UBR1: variants seen among roughly 807,000 people sequenced by gnomAD.
UBR1 encodes ubiquitin protein ligase E3 component n-recognin 1.
A neutral mutation model predicts 242.1 loss-of-function variants in UBR1; 102 were observed. That is an observed-to-expected ratio of 0.42 (90% CI 0.36 to 0.50). UBR1 has a LOEUF of 0.50. Ranked by LOEUF, UBR1 falls within the 20% of genes least tolerant of loss-of-function variation. UBR1 has a pLI of 0.01. For missense variants in UBR1, 1,772 were observed against 2,101.8 expected (o/e 0.84, Z 3.07); for synonymous variants, 675 against 684.8 (o/e 0.99, Z 0.22).
chr15:42,957,407 C>T (rs1024294461), intron 44 of UBR1, among the ~76,000 whole-genome samples: 4 of 151,954 alleles, frequency 2.6e-5, no homozygotes, highest in Admixed American at 6.6e-5. Context: ...TACAAGGTGA[C>T]GAAAAAGTTT....
chr15:42,954,518 C>G (rs2031886176), intron 44 of UBR1, among the ~76,000 whole-genome samples: 3 of 152,048 alleles, frequency 2.0e-5, no homozygotes, highest in Non-Finnish European at 2.9e-5. Flanking sequence ...TGAGTCATTC[C>G]GCAGGGCAGT....
intron 10 of UBR1, among the ~76,000 whole-genome samples, chr15:43,057,667 C>T (rs147966532): frequency 6.6e-5 from 10 of 152,148 alleles, no homozygotes; most frequent in East Asian, 1.9e-4. Flanking sequence ...TCCTGCCCCC[C>T]ACTTTAGCAT....
chr15:43,092,498 C>T (rs2034116015), intron 1 of UBR1, among the ~76,000 whole-genome samples: 2 of 152,180 alleles, frequency 1.3e-5, no homozygotes, highest in South Asian at 4.1e-4. Context: ...CTACACATTT[C>T]TTGCCAGAGA....
At chr15:42,961,423 CTTTTTTTT>C (rs766721149) in intron 42 of UBR1, among the ~76,000 whole-genome samples, 1 of 131,896 alleles carries the variant, frequency 7.6e-6, no homozygotes, top group Admixed American at 7.8e-5. Flanking sequence ...CTATGTTCCT[CTTTTTTTT>C]TTTTTTTTTT....
chr15:43,053,326 A>G (rs917206021), intron 12 of UBR1, among the ~76,000 whole-genome samples: 2 of 152,236 alleles, frequency 1.3e-5, no homozygotes, highest in Non-Finnish European at 2.9e-5. Flanking sequence ...ACAAGTGATT[A>G]TGCACCACTT....
intron 29 of UBR1, among the ~76,000 whole-genome samples, chr15:43,009,573 G>T (rs7176915): frequency 0.55 from 83,606 of 152,092 alleles, 27,112 homozygotes; most frequent in Non-Finnish European, 0.7. Flanking sequence ...ACTGGCCACA[G>T]AGGTTTCTGG....
In UBR1 at chr15:42,988,882, C is replaced by G. The variant is rs1269197116; in HGVS notation, c.3934G>C (p.Glu1312Gln). 1.2e-6 allele frequency: 2 copies of G among 1,614,082 alleles called. No individual in the cohort carries two copies. The highest frequency in any genetic ancestry group is 4.5e-5 in the East Asian group (2 of 44,896). The stretch of plus-strand genomic sequence containing the variant: ...AGCATGGGGACTCGAGGATCCCTTT[C>G]ATCAGGTGGCACTTTCAATCCAATT... ...YRIGLKVPPD[E>Q]RDPRVPMLTW... Residue 1312 changes from glutamate (E) to glutamine (Q), a missense_variant, in exon 35 of 47, where the codon GAA (glutamate) becomes CAA (glutamine). By Grantham distance (29) the Glu-to-Gln change is conservative. Around this residue, in one of 3 missense-constraint regions of UBR1, gnomAD observed 965 missense variants for 1,079.7 expected, o/e 0.89. Coordinates refer to ENST00000290650, the MANE Select transcript of UBR1 (RefSeq NM_174916.3).
intron 16 of UBR1, 72 bp downstream of exon 16, chr15:43,038,099 C>T (rs2033361005): frequency 8.5e-6 from 13 of 1,533,254 alleles, no homozygotes; most frequent in Non-Finnish European, 1.2e-5. Flanking sequence ...ATATTATCTC[C>T]TTCTCGTCCA....
chr15:42,991,286 A>G (rs976773165), intron 33 of UBR1, among the ~76,000 whole-genome samples: 11 of 151,906 alleles, frequency 7.2e-5, no homozygotes, highest in African/African-American at 2.7e-4. Context: ...AAAAAAAAAA[A>G]AGATGAGGTC....
At position 43,031,748 on chromosome 15, in the gene UBR1, C is replaced by T. The variant is rs188288048; in HGVS notation, c.2254+820G>A. ...AGTCAAAAACAAGATGACAGCCGGGCGCGGTGGCTCACGCCTGTAATCCCA... is the reference window on the plus strand; with the variant it reads ...AGTCAAAAACAAGATGACAGCCGGGTGCGGTGGCTCACGCCTGTAATCCCA... On this transcript the variant is annotated intron_variant, in intron 20 of 46. Coordinates refer to ENST00000290650, the MANE Select transcript of UBR1 (RefSeq NM_174916.3). Among the ~76,000 whole-genome samples the T allele has an allele frequency of 3.0e-4, 46 of 152,288 alleles. No individual in the cohort carries two copies. In the South Asian group the frequency reaches 5.6e-3, roughly 19 times the overall value.
chr15:42,965,091 A>G (rs1460939025), intron 41 of UBR1, among the ~76,000 whole-genome samples: 1 of 152,208 alleles, frequency 6.6e-6, no homozygotes, highest in Non-Finnish European at 1.5e-5. Context: ...ATGTGAGCAA[A>G]CAACAGATCT....
chr15:43,066,251 ATGT>A (rs1460382345), intron 6 of UBR1, among the ~76,000 whole-genome samples: 1 of 151,928 alleles, frequency 6.6e-6, no homozygotes, highest in Non-Finnish European at 1.5e-5. Context: ...TGTTTTTGTC[ATGT>A]TTGTCAATAA....
Position 43,007,065 on chromosome 15 carries a change from T to C in UBR1, c.3415+14A>G. The C allele has an allele frequency of 6.2e-7, 1 of 1,613,080 alleles. No individual in the cohort carries two copies. The highest frequency in any genetic ancestry group is 8.5e-7 in the Non-Finnish European group (1 of 1,179,074). ...AAGAAATGCACAAAAGGATATTTAT[T>C]AAATAATACATACCTCCTGAGAGTT... On this transcript the variant is annotated intron_variant, in intron 30 of 46. Transcript: ENST00000290650.
At chr15:43,037,743 C>T (rs1596112949) in intron 17 of UBR1, 30 bp downstream of exon 17, 1 of 1,594,754 alleles carries the variant, frequency 6.3e-7, no homozygotes, top group Non-Finnish European at 8.6e-7. Flanking sequence ...TGAGCACATT[C>T]ATAAATATGA....
chr15:43,088,165 C>T (rs1241405349), intron 1 of UBR1, among the ~76,000 whole-genome samples: 2 of 152,166 alleles, frequency 1.3e-5, no homozygotes, highest in Middle Eastern at 3.2e-3. Flanking sequence ...ATTTCATGTA[C>T]AGTTATTCAT....
At chr15:43,059,596 AAAAAAAAAG>A in intron 8 of UBR1, 97 bp downstream of exon 8, 2 of 1,390,962 alleles carry the variant, frequency 1.4e-6, no homozygotes, top group Non-Finnish European at 1.9e-6. Context: ...ACCAAAAAAA[AAAAAAAAAG>A]AAAAACTTTA....
At chr15:43,008,915 G>A (rs181182892) in intron 29 of UBR1, among the ~76,000 whole-genome samples, 6 of 152,272 alleles carry the variant, frequency 3.9e-5, no homozygotes, top group Non-Finnish European at 8.8e-5. Flanking sequence ...TGACCTGCCT[G>A]CAGAAAGAGC....
chr15:42,963,317 A>T (rs1454680810), intron 42 of UBR1, among the ~76,000 whole-genome samples: 2 of 152,194 alleles, frequency 1.3e-5, no homozygotes, highest in African/African-American at 4.8e-5. Context: ...AAGGAGAATA[A>T]AGGAAATGAT....
At chr15:42,969,425 C>T (rs566029797) in intron 40 of UBR1, among the ~76,000 whole-genome samples, 1 of 152,238 alleles carries the variant, frequency 6.6e-6, no homozygotes, top group African/African-American at 2.4e-5. Flanking sequence ...AGCCCTTTGT[C>T]AGATGGATAG....
Sources: allele counts gnomAD v4.1 joint callset (sites outside exome capture counted in the v4.1 genomes callset), GRCh38; gene constraint gnomAD v4.1.1; regional missense constraint gnomAD v4.1.1; transcripts MANE v1.5; gene names NCBI Gene and HGNC (gene_info 2026-07-23, HGNC 2026-07-21).